BAALC: variants seen among roughly 807,000 people sequenced by gnomAD.
The protein encoded by BAALC is brain and acute leukemia cytoplasmic protein.
BAALC carries 9 observed loss-of-function variants against 15.5 expected under a neutral mutation model. The ratio of observed to expected loss-of-function variants is 0.58; its 90% CI spans 0.35 to 1.02. The LOEUF (loss-of-function observed/expected upper bound fraction) is 1.02, where lower values mean the gene tolerates loss of function less well. BAALC is among the 50% of genes least tolerant of loss of function. The pLI is 0.02. For missense variants in BAALC, 201 were observed against 192.4 expected (o/e 1.04, Z -0.27); for synonymous variants, 80 against 74.6 (o/e 1.07, Z -0.37).
At position 103,198,108 on chromosome 8, in the gene BAALC, A is replaced by C. The variant is rs902933296; in HGVS notation, c.161-14811A>C. ...CTACATGTACTGTTAGGGTGCCTTG[A>C]GGAACATTACCATCTGACTGCCCTA... On this transcript the variant is annotated intron_variant, in intron 1 of 2. Coordinates refer to ENST00000309982, the MANE Select transcript of BAALC (RefSeq NM_024812.3). 1.9e-5 allele frequency: 13 copies of C among 701,898 alleles called. No homozygotes were observed. In the African/African-American group the frequency reaches 2.1e-4, roughly 11 times the overall value. The allele number at this position is 701,898 out of a possible 1,614,324, so 43.5% of individuals were successfully genotyped here. A position where few individuals can be genotyped will look rare whatever the true frequency, so the allele number is the denominator to read the frequency against.
intron 1 of BAALC, among the ~76,000 whole-genome samples, chr8:103,188,174 T>C (rs1811888117): frequency 6.6e-6 from 1 of 152,122 alleles, no homozygotes; most frequent in Non-Finnish European, 1.5e-5. Flanking sequence ...GTTGGCTTCA[T>C]TCTCAAAAAG....
At chr8:103,183,558 C>T (rs1041432186) in intron 1 of BAALC, 1 of 665,314 alleles carries the variant, frequency 1.5e-6, no homozygotes, top group Non-Finnish European at 2.8e-6. Flanking sequence ...TTGGGAGAGC[C>T]TCTCAGGCCC....
At chr8:103,167,497 C>T (rs1474299541) in intron 1 of BAALC, among the ~76,000 whole-genome samples, 2 of 152,124 alleles carry the variant, frequency 1.3e-5, no homozygotes, top group Admixed American at 6.6e-5. Context: ...TGGCGGCTAC[C>T]ATATTGGACA....
At chr8:103,193,719 C>G (rs567915839) in intron 1 of BAALC, among the ~76,000 whole-genome samples, 5 of 152,146 alleles carry the variant, frequency 3.3e-5, no homozygotes, top group Admixed American at 6.5e-5. Context: ...TAACAATGCC[C>G]ACTTACAGGA....
intron 1 of BAALC, chr8:103,208,363 ACT>A (rs1292332812): frequency 1.5e-4 from 23 of 152,160 alleles, no homozygotes; most frequent in African/African-American, 5.5e-4. Flanking sequence ...AAAAATGAAA[ACT>A]CTAGACCAAA....
chr8:103,176,298 A>G (rs541564035), intron 1 of BAALC, among the ~76,000 whole-genome samples: 18 of 152,310 alleles, frequency 1.2e-4, no homozygotes, highest in Admixed American at 3.3e-4. Flanking sequence ...GCAAGTATGT[A>G]CTGGCACTTA....
At chr8:103,181,232 C>T (rs557412673) in intron 1 of BAALC, among the ~76,000 whole-genome samples, 5 of 152,130 alleles carry the variant, frequency 3.3e-5, no homozygotes, top group African/African-American at 1.2e-4. Flanking sequence ...CAAAAGCTCC[C>T]TAGGTGAGTC....
At chr8:103,153,234 G>A (rs1811020750) in intron 1 of BAALC, 1 of 152,110 alleles carries the variant, frequency 6.6e-6, no homozygotes, top group Non-Finnish European at 1.5e-5. Flanking sequence ...CCAGCAGAGT[G>A]GTCACTTCTT....
intron 1 of BAALC, among the ~76,000 whole-genome samples, chr8:103,146,083 T>C (rs1193805716): frequency 6.6e-6 from 1 of 152,182 alleles, no homozygotes; most frequent in Admixed American, 6.5e-5. Flanking sequence ...GTTACTATTA[T>C]AGGGAAGAAA....
chr8:103,178,948 G>C (rs377522444), intron 1 of BAALC, among the ~76,000 whole-genome samples: 5 of 151,932 alleles, frequency 3.3e-5, no homozygotes, highest in African/African-American at 1.2e-4. Flanking sequence ...AAAAATAGTT[G>C]GTGGAAAGAA....
chr8:103,141,073 C>A lies in BAALC; in HGVS notation c.160+16C>A, dbSNP rs1407004577. On this transcript the variant is annotated intron_variant, in intron 1 of 2. Coordinates refer to ENST00000309982, the MANE Select transcript of BAALC (RefSeq NM_024812.3). ...CTGCACTCGGGTAAGTGGCCGGGCC[C>A]CTGCAGACCCTCGCCCGCCCGCTAC... is the stretch of plus-strand genomic sequence containing the variant. The A allele has an allele frequency of 6.9e-7, 1 of 1,443,872 alleles. No homozygotes were observed. The highest frequency in any genetic ancestry group is 9.1e-7 in the Non-Finnish European group (1 of 1,102,496). 89.4% of individuals were successfully genotyped at this position (1,443,872 alleles called of 1,614,324 possible).
chr8:103,185,728 C>A (rs1811820728), intron 1 of BAALC, among the ~76,000 whole-genome samples: 1 of 152,132 alleles, frequency 6.6e-6, no homozygotes, highest in South Asian at 2.1e-4. Flanking sequence ...TCTTTCCTCC[C>A]CAAAATGGTA....
chr8:103,157,687 T>C (rs1376483092), intron 1 of BAALC, among the ~76,000 whole-genome samples: 1 of 152,158 alleles, frequency 6.6e-6, no homozygotes, highest in Non-Finnish European at 1.5e-5. Context: ...TGGTGGTGCA[T>C]GCCTGTAGTC....
chr8:103,226,982 T>G (rs939735340), intron 2 of BAALC, among the ~76,000 whole-genome samples: 1 of 152,178 alleles, frequency 6.6e-6, no homozygotes, highest in Non-Finnish European at 1.5e-5. Context: ...ACTTAACCAC[T>G]CTACTAAAGC....
At chr8:103,198,976 TAA>T (rs1307812646) in intron 1 of BAALC, among the ~76,000 whole-genome samples, 2 of 152,248 alleles carry the variant, frequency 1.3e-5, no homozygotes, top group Non-Finnish European at 2.9e-5. Flanking sequence ...TCTATCTATA[TAA>T]GTCTACTTTA....
intron 1 of BAALC, among the ~76,000 whole-genome samples, chr8:103,172,437 C>A (rs1811518562): frequency 7.1e-6 from 1 of 141,770 alleles, no homozygotes; most frequent in African/African-American, 2.7e-5. Context: ...CGCTCTATTG[C>A]CCAGGCTGGA....
At chr8:103,223,127 A>G (rs1346931801) in intron 2 of BAALC, among the ~76,000 whole-genome samples, 2 of 152,176 alleles carry the variant, frequency 1.3e-5, no homozygotes, top group South Asian at 2.1e-4. Context: ...CCTGGCCAAC[A>G]TGATGAAATC....
intron 1 of BAALC, chr8:103,183,523 T>C (rs2129980376): frequency 1.4e-6 from 1 of 694,030 alleles, no homozygotes; most frequent in Non-Finnish European, 2.6e-6. Context: ...ATGGGACAAC[T>C]CTGCAAAACC....
intron 1 of BAALC, among the ~76,000 whole-genome samples, chr8:103,207,533 G>T (rs1113413): frequency 0.069 from 10,540 of 152,256 alleles, 406 homozygotes; most frequent in Middle Eastern, 0.19. Flanking sequence ...GGCTGATAAG[G>T]GTCTGAAGTT....
Sources: allele counts gnomAD v4.1 joint callset (sites outside exome capture counted in the v4.1 genomes callset), GRCh38; gene constraint gnomAD v4.1.1; transcripts MANE v1.5; gene names NCBI Gene and HGNC (gene_info 2026-07-23, HGNC 2026-07-21).